PRLR: variants seen among roughly 807,000 people sequenced by gnomAD.
PRLR encodes the protein prolactin receptor, also known as hPRL receptor.
Under a neutral mutation model 40.2 loss-of-function variants are expected in PRLR, and 13 were observed. The observed-to-expected ratio is 0.32, with a 90% CI of 0.21 to 0.51. The LOEUF (loss-of-function observed/expected upper bound fraction) is 0.51. Ranked by LOEUF, PRLR falls within the 20% of genes least tolerant of loss-of-function variation. The probability of loss-of-function intolerance (pLI) is 0.97; values close to 1 mark genes in which losing one functional copy is unlikely to be tolerated. For synonymous variants in PRLR, 269 were observed against 278.7 expected, an observed-to-expected ratio of 0.97 and a Z score of 0.35; for missense variants, 656 against 747.3, an observed-to-expected ratio of 0.88 and a Z score of 1.42.
intron 1 of PRLR, among the ~76,000 whole-genome samples, chr5:35,129,674 T>G (rs991039170): frequency 2.0e-5 from 3 of 151,988 alleles, no homozygotes; most frequent in African/African-American, 7.3e-5. Flanking sequence ...AATCAATTTT[T>G]TTTTTTTTAC....
intron 1 of PRLR, among the ~76,000 whole-genome samples, chr5:35,153,197 ATCCT>A (rs1005264980): frequency 6.6e-6 from 1 of 152,222 alleles, no homozygotes; most frequent in Non-Finnish European, 1.5e-5. Context: ...ATTAGTAGCG[ATCCT>A]TCCAACACAA....
chr5:35,189,663 T>C (rs568058697), intron 1 of PRLR, among the ~76,000 whole-genome samples: 1 of 152,042 alleles, frequency 6.6e-6, no homozygotes, highest in South Asian at 2.1e-4. Flanking sequence ...CTATTACTGA[T>C]AAAATGTGTC....
chr5:35,166,179 G>T (rs1419742615), intron 1 of PRLR, among the ~76,000 whole-genome samples: 2 of 152,190 alleles, frequency 1.3e-5, no homozygotes, highest in South Asian at 2.1e-4. Context: ...TTTTTTGTTT[G>T]TTTTGCCTCA....
chr5:35,086,240 A>G lies in PRLR; in HGVS notation c.171T>C (p.Pro57=), dbSNP rs761246181. The change falls in exon 4 of 10, where the codon CCT becomes CCC. Residue 57 remains proline (P), a synonymous_variant. Transcript: ENST00000618457. ...TGTGGTAAGTCAGTGAATAATTGGTAGGAAGTCCTCCATCTGTCCCAGGCC... is the reference window on the plus strand; with the variant it reads ...TGTGGTAAGTCAGTGAATAATTGGTGGGAAGTCCTCCATCTGTCCCAGGCC... The part of the protein sequence containing the change: ...WWRPGTDGGL[P]TNYSLTYHRE... 1 of 1,614,042 alleles carries G rather than the reference A, an allele frequency of 6.2e-7. No individual in the cohort carries two copies. Among genetic ancestry groups the G allele is most frequent in the Admixed American group, 1.7e-5 (1 of 60,008 alleles).
intron 2 of PRLR, among the ~76,000 whole-genome samples, chr5:35,092,722 C>T (rs542121241): frequency 7.9e-5 from 12 of 152,106 alleles, no homozygotes; most frequent in Non-Finnish European, 1.6e-4. Context: ...GTTCAGTTAG[C>T]AAAAAGTCAG....
At chr5:35,190,186 A>G (rs1775562496) in intron 1 of PRLR, among the ~76,000 whole-genome samples, 1 of 152,218 alleles carries the variant, frequency 6.6e-6, no homozygotes, top group African/African-American at 2.4e-5. Context: ...ACAGGGGGAC[A>G]ATATAATTAT....
At chr5:35,189,905 C>T (rs537220654) in intron 1 of PRLR, among the ~76,000 whole-genome samples, 13 of 152,296 alleles carry the variant, frequency 8.5e-5, no homozygotes, top group African/African-American at 3.1e-4. Context: ...TCTAAAGCCG[C>T]ACAGCTTTGG....
At chr5:35,086,719 A>G (rs936046167) in intron 3 of PRLR, among the ~76,000 whole-genome samples, 2 of 152,058 alleles carry the variant, frequency 1.3e-5, no homozygotes, top group Non-Finnish European at 2.9e-5. Context: ...GTAATCCCAC[A>G]AGGTCTGTAA....
At chr5:35,202,324 C>T (rs1384076132) in intron 1 of PRLR, among the ~76,000 whole-genome samples, 1 of 152,170 alleles carries the variant, frequency 6.6e-6, no homozygotes, top group Non-Finnish European at 1.5e-5. Flanking sequence ...CGGATCAAAC[C>T]GTTCAGCACA....
At chr5:35,228,255 C>A (rs201372414) in intron 1 of PRLR, among the ~76,000 whole-genome samples, 28 of 63,182 alleles carry the variant, frequency 4.4e-4, no homozygotes, top group South Asian at 7.2e-4. Flanking sequence ...AAAAAAAAAG[C>A]AGCATTATTT....
chr5:35,149,196 C>T (rs961400196), intron 1 of PRLR, among the ~76,000 whole-genome samples: 1 of 152,026 alleles, frequency 6.6e-6, no homozygotes, highest in African/African-American at 2.4e-5. Flanking sequence ...TACATCTGAC[C>T]AACTTTAAAA....
At chr5:35,142,616 T>G (rs1774057691) in intron 1 of PRLR, among the ~76,000 whole-genome samples, 1 of 152,262 alleles carries the variant, frequency 6.6e-6, no homozygotes, top group Non-Finnish European at 1.5e-5. Flanking sequence ...CTTCTTCATA[T>G]TCTAAATGCT....
intron 1 of PRLR, among the ~76,000 whole-genome samples, chr5:35,221,937 C>T (rs1051728843): frequency 4.6e-5 from 7 of 152,188 alleles, no homozygotes; most frequent in African/African-American, 1.7e-4. Context: ...TTCAGAAGAA[C>T]TTCCGTCCCC....
chr5:35,132,739 T>C (rs562536958), intron 1 of PRLR, among the ~76,000 whole-genome samples: 1 of 152,300 alleles, frequency 6.6e-6, no homozygotes, highest in African/African-American at 2.4e-5. Context: ...AGGACATTCG[T>C]ATGCAATGAG....
rs1769164276 is a variant in PRLR, at chr5:35,063,476, C to T, written c.*1613G>A. 1.3e-5 allele frequency: 2 copies of T among 152,126 alleles called. No homozygotes were observed. 9.4% of individuals were successfully genotyped at this position (152,126 alleles called of 1,614,324 possible). A position where few individuals can be genotyped will look rare whatever the true frequency, so the allele number is the denominator to read the frequency against. On this transcript the variant is annotated 3_prime_UTR_variant, in exon 10 of 10. Coordinates refer to ENST00000618457, the MANE Select transcript of PRLR (RefSeq NM_000949.7). ...GGATGCGCCCTTTAAAATGAGGATC[C>T]AAGCTTTGACTTCTTTCAGGAAGCC...
At chr5:35,210,952 A>T (rs1265857857) in intron 1 of PRLR, among the ~76,000 whole-genome samples, 3 of 152,126 alleles carry the variant, frequency 2.0e-5, no homozygotes, top group Non-Finnish European at 4.4e-5. Flanking sequence ...GGTGCAAGCA[A>T]TCCACCTGCC....
chr5:35,186,143 T>A (rs970567455), intron 1 of PRLR, among the ~76,000 whole-genome samples: 2 of 152,120 alleles, frequency 1.3e-5, no homozygotes, highest in African/African-American at 4.8e-5. Context: ...TCAAAGACTT[T>A]GTATGAAAAA....
At chr5:35,204,246 A>G (rs1185332890) in intron 1 of PRLR, among the ~76,000 whole-genome samples, 2 of 151,912 alleles carry the variant, frequency 1.3e-5, no homozygotes, top group East Asian at 3.8e-4. Flanking sequence ...AATGAAAAAA[A>G]AAACATAAAA....
intron 1 of PRLR, among the ~76,000 whole-genome samples, chr5:35,172,936 T>C (rs1775043171): frequency 6.6e-6 from 1 of 152,246 alleles, no homozygotes; most frequent in South Asian, 2.1e-4. Flanking sequence ...TTTTTAACCA[T>C]ATGGATAAGA....
Sources: gnomAD v4.1 joint callset for allele counts (sites outside exome capture counted in the v4.1 genomes callset) on GRCh38, gnomAD v4.1.1 for gene constraint, MANE v1.5 for transcripts, NCBI Gene and HGNC (gene_info 2026-07-23, HGNC 2026-07-21) for gene names.